Variants in COL2A1 observed in about 807,000 individuals in gnomAD.
The protein encoded by COL2A1 is collagen alpha-1(II) chain.
In COL2A1, 28 loss-of-function variants were observed where a neutral mutation model predicts 204.5. The ratio of observed to expected loss-of-function variants is 0.14; its 90% CI spans 0.10 to 0.19. COL2A1 has a LOEUF of 0.19. COL2A1 is among the 10% of genes least tolerant of loss of function. The probability of loss-of-function intolerance (pLI) is 1.00; values close to 1 mark genes in which losing one functional copy is unlikely to be tolerated. For synonymous variants in COL2A1, 708 were observed against 718.7 expected (o/e 0.99, Z 0.24); for missense variants, 1,388 against 2,027.5 (o/e 0.68, Z 6.06).
Position 47,983,679 on chromosome 12 carries a change from C to T in COL2A1, c.1995+4G>A, listed in dbSNP as rs1185394152. 3 of 1,597,648 alleles carry T rather than the reference C, an allele frequency of 1.9e-6. No homozygotes were observed. The African/African-American group carries it at 4.0e-5, about 21-fold the overall frequency. On this transcript the variant is annotated splice_donor_region_variant and intron_variant, in intron 30 of 53. Coordinates refer to ENST00000380518, the MANE Select transcript of COL2A1 (RefSeq NM_001844.5). ...TGCACAGAGAGCCTGGTCCAGCCAC[C>T]TACCTGGAACCCAGATGGCCCAGGA...
At chr12:47,999,513 A>C (rs1940128795) in intron 2 of COL2A1, among the ~76,000 whole-genome samples, 1 of 152,166 alleles carries the variant, frequency 6.6e-6, no homozygotes, top group Non-Finnish European at 1.5e-5. Flanking sequence ...CATACATAGA[A>C]GTCTTCTAAG....
Position 47,997,902 on chromosome 12 carries a change from G to T in COL2A1, c.398C>A (p.Pro133His), listed in dbSNP as rs201234519. Residue 133 changes from proline (P) to histidine (H), a missense_variant, in exon 6 of 54, where the codon CCC becomes CAC. By Grantham distance (77) the Pro-to-His change is moderately conservative (BLOSUM62 -2). Coordinates refer to ENST00000380518, the MANE Select transcript of COL2A1 (RefSeq NM_001844.5). ...ACCTTTGTCACCACGATCCCCTCTG[G>T]GTCCTTGTTCCCCTGCAGGTCCCTG... ...GPQGPAGEQG[P>H]RGDRGDKGEK... is the part of the protein sequence containing the mutation. 9.3e-5 allele frequency: 150 copies of T among 1,613,960 alleles called. No individual in the cohort carries two copies. In the African/African-American group the frequency reaches 1.6e-3, roughly 17 times the overall value.
chr12:47,987,583 C>T lies in COL2A1; in HGVS notation c.1221+28G>A, dbSNP rs772294496. ...TTCCAAAGCCACAGACCCCAGACCCCCCCAGGCCAAAGAGAAGCTGCACTT... is the reference window on the plus strand; with the variant it reads ...TTCCAAAGCCACAGACCCCAGACCCTCCCAGGCCAAAGAGAAGCTGCACTT... On this transcript the variant is annotated intron_variant, in intron 19 of 53. Coordinates refer to ENST00000380518, the MANE Select transcript of COL2A1 (RefSeq NM_001844.5). This position sits in a 1 kb window ranked among gnomAD's most constrained non-coding sequence, Gnocchi z 4.1. The T allele has an allele frequency of 2.5e-6, 4 of 1,586,084 alleles. No individual in the cohort carries two copies. Among genetic ancestry groups the T allele is most frequent in the East Asian group, 2.3e-5 (1 of 44,156 alleles).
chr12:47,981,045 G>T, intron 37 of COL2A1, 77 bp from the exon 38 acceptor site: 1 of 1,405,838 alleles, frequency 7.1e-7, no homozygotes, highest in Non-Finnish European at 9.8e-7. Context: ...AGAGCCCCTT[G>T]GGCCCTGCCC....
At position 47,992,860 on chromosome 12, in the gene COL2A1, G is replaced by A; in HGVS notation, c.1023+18C>T. 6.2e-7 allele frequency: 1 copy of A among 1,613,842 alleles called. No homozygotes were observed. The highest frequency in any genetic ancestry group is 1.3e-5 in the African/African-American group (1 of 75,016). On this transcript the variant is annotated intron_variant, in intron 16 of 53. Coordinates refer to ENST00000380518, the MANE Select transcript of COL2A1 (RefSeq NM_001844.5). Reference sequence around the variant, plus strand: ...AGTGCTCGGCAAATGGTGGTGTTTGGCTTTGTCAATTACTCACCGCAGCGC... The same window carrying A: ...AGTGCTCGGCAAATGGTGGTGTTTGACTTTGTCAATTACTCACCGCAGCGC...
intron 27 of COL2A1, among the ~76,000 whole-genome samples, 170 bp from the exon 28 acceptor site, chr12:47,984,769 T>G (rs985880972): frequency 6.6e-6 from 1 of 152,236 alleles, no homozygotes; most frequent in African/African-American, 2.4e-5. Context: ...ACCAGCCTGC[T>G]GGGCACTGCC....
chr12:47,980,307 C>G lies in COL2A1; in HGVS notation c.2626-245G>C, dbSNP rs969122991. Among the ~76,000 whole-genome samples the G allele has an allele frequency of 1.3e-5, 2 of 152,174 alleles. No individual in the cohort carries two copies. The highest frequency in any genetic ancestry group is 4.1e-4 in the South Asian group (2 of 4,836). On this transcript the variant is annotated intron_variant, in intron 39 of 53. Transcript: ENST00000380518. The surrounding 1 kb of genome is among the most constrained non-coding windows in gnomAD (Gnocchi z 4.5). ...GGGTCTGGCCTCCCGGGAAGCTCTT[C>G]CTGCCACCGCCCCCTCCTCCCCAGG...
At chr12:48,002,125 A>G (rs1940263333) in intron 1 of COL2A1, among the ~76,000 whole-genome samples, 1 of 152,042 alleles carries the variant, frequency 6.6e-6, no homozygotes, top group Non-Finnish European at 1.5e-5. Flanking sequence ...TCCGCGAGGA[A>G]CCAGTTTAAA....
chr12:47,998,391 A>T, intron 3 of COL2A1, 24 bp downstream of exon 3: 1 of 1,589,018 alleles, frequency 6.3e-7, no homozygotes, highest in African/African-American at 1.4e-5. Flanking sequence ...AAATATGAAA[A>T]AAGAAAAAGA....
intron 10 of COL2A1, 136 bp downstream of exon 10, chr12:47,995,574 T>A: frequency 1.0e-6 from 1 of 956,490 alleles, no homozygotes; most frequent in South Asian, 1.3e-5. Flanking sequence ...AGCTAGGAAG[T>A]GACATCCGAA....
At position 47,980,498 on chromosome 12, in the gene COL2A1, T is replaced by G; in HGVS notation, c.2625+56A>C. Reference sequence around the variant, plus strand: ...CGCAGCCTGCTGGGGCCTTCCCATCTGCACGCCAGGAGCCCTTCCTTGAGG... The same window carrying G: ...CGCAGCCTGCTGGGGCCTTCCCATCGGCACGCCAGGAGCCCTTCCTTGAGG... On this transcript the variant is annotated intron_variant, in intron 39 of 53. Coordinates refer to ENST00000380518, the MANE Select transcript of COL2A1 (RefSeq NM_001844.5). The surrounding 1 kb of genome is among the most constrained non-coding windows in gnomAD (Gnocchi z 4.5). 6.8e-7 allele frequency: 1 copy of G among 1,476,472 alleles called. No homozygotes were observed. The highest frequency in any genetic ancestry group is 9.3e-7 in the Non-Finnish European group (1 of 1,076,378). 91.5% of individuals were successfully genotyped at this position (1,476,472 alleles called of 1,614,324 possible).
rs1188469633 is a variant in COL2A1 at position 47,987,325 on chromosome 12, G to A, written c.1222-12C>T. The A allele has an allele frequency of 6.2e-7, 1 of 1,614,002 alleles. No homozygotes were observed. Among genetic ancestry groups the A allele is most frequent in the Admixed American group, 1.7e-5 (1 of 60,012 alleles). On this transcript the variant is annotated splice_polypyrimidine_tract_variant and intron_variant, in intron 19 of 53. Coordinates refer to ENST00000380518, the MANE Select transcript of COL2A1 (RefSeq NM_001844.5). This position sits in a 1 kb window ranked among gnomAD's most constrained non-coding sequence, Gnocchi z 4.1. The stretch of plus-strand genomic sequence containing the variant: ...GTTCCAGGGTTACCCTGAAAAGGGA[G>A]ACATTGTCAAATAAGCAGCAAAGAA...
At position 47,999,941 on chromosome 12, in the gene COL2A1, T is replaced by C. The variant is rs772264812; in HGVS notation, c.270A>G (p.Pro90=). The change falls in exon 2 of 54, where the codon CCA becomes CCG. Residue 90 remains proline (P), a synonymous_variant. Coordinates refer to ENST00000380518, the MANE Select transcript of COL2A1 (RefSeq NM_001844.5). ...IPFGECCPIC[P]TDLATASGQP... is the part of the protein sequence containing the mutation. The stretch of plus-strand genomic sequence containing the variant: ...AACCACTGGCAGTGGCGAGGTCAGT[T>C]GGGCAGATGGGGCAGCACTCTCCGA... 1 of 1,614,170 alleles carries C rather than the reference T, an allele frequency of 6.2e-7. No individual in the cohort carries two copies. The highest frequency in any genetic ancestry group is 2.2e-5 in the East Asian group (1 of 44,890).
At position 47,981,766 on chromosome 12, in the gene COL2A1, C is replaced by T. The variant is rs532141305; in HGVS notation, c.2409+10G>A. 44 of 1,552,734 alleles carry T rather than the reference C, an allele frequency of 2.8e-5. 1 individual carries two copies. In the South Asian group the frequency reaches 3.1e-4, roughly 11 times the overall value. On this transcript the variant is annotated intron_variant, in intron 36 of 53. Coordinates refer to ENST00000380518, the MANE Select transcript of COL2A1 (RefSeq NM_001844.5). The stretch of plus-strand genomic sequence containing the variant: ...GGCAAGGTGTGGAGAGGAAAGGAGC[C>T]GGGACTCACCTTCTCGCCATTAGCA...
At chr12:47,977,966 C>A (rs769796542) in intron 44 of COL2A1, 44 bp downstream of exon 44, 7 of 1,540,364 alleles carry the variant, frequency 4.5e-6, no homozygotes, top group Non-Finnish European at 4.5e-6. Context: ...CTCACAGGGC[C>A]CCTCTCCCCA....
At position 47,985,639 on chromosome 12, in the gene COL2A1, C is replaced by A. The variant is rs776257692; in HGVS notation, c.1681-52G>T. ...GGGTCAGGAGCCGGCCCCAGGACCT[C>A]CCAATCCTGGCAGTGCAGGGCTGGA... On this transcript the variant is annotated intron_variant, in intron 25 of 53. Coordinates refer to ENST00000380518, the MANE Select transcript of COL2A1 (RefSeq NM_001844.5). 9.3e-6 allele frequency: 15 copies of A among 1,609,504 alleles called. No homozygotes were observed. In the Admixed American group the frequency reaches 1.2e-4, roughly 13 times the overall value.
Position 47,977,992 on chromosome 12 carries a change from G to C in COL2A1, c.3111+18C>G. On this transcript the variant is annotated intron_variant, in intron 44 of 53. Transcript: ENST00000380518. ...CCTCTCCCCAATCAGGGCCACCCCA[G>C]GGGGTCTCACTGCTCACCTCTCGTC... 1.2e-6 allele frequency: 2 copies of C among 1,608,528 alleles called. No homozygotes were observed.
At chr12:47,988,452 G>GT (rs996560277) in intron 18 of COL2A1, 1 of 154,406 alleles carries the variant, frequency 6.5e-6, no homozygotes, top group African/African-American at 2.4e-5. Context: ...GCCTCCTCAG[G>GT]TTTCTTCTCA....
At chr12:48,000,169 G>C in intron 1 of COL2A1, 44 bp from the exon 2 acceptor site, 1 of 1,387,098 alleles carries the variant, frequency 7.2e-7, no homozygotes, top group Non-Finnish European at 1.0e-6. Flanking sequence ...CCAAGGGAAG[G>C]AGGGGGTGGG....
Sources: allele counts gnomAD v4.1 joint callset (sites outside exome capture counted in the v4.1 genomes callset), GRCh38; gene constraint gnomAD v4.1.1; non-coding constraint Gnocchi (gnomAD v3.1); transcripts MANE v1.5; gene names NCBI Gene and HGNC (gene_info 2026-07-23, HGNC 2026-07-21).